Variants in CPNE4 observed in about 807,000 individuals in gnomAD.
CPNE4 encodes the protein copine 4.
CPNE4 carries 25 observed loss-of-function variants against 67.9 expected under a neutral mutation model. The observed-to-expected ratio is 0.37, with a 90% CI of 0.27 to 0.51. The LOEUF is 0.51. CPNE4 is among the 20% of genes least tolerant of loss of function. The probability of loss-of-function intolerance (pLI) is 0.93; values close to 1 mark genes in which losing one functional copy is unlikely to be tolerated. For missense variants in CPNE4, 464 were observed against 690.8 expected (o/e 0.67, Z 3.68); for synonymous variants, 242 against 244.9 (o/e 0.99, Z 0.11).
chr3:131,783,548 G>A (rs2083477972), intron 2 of CPNE4, among the ~76,000 whole-genome samples: 1 of 152,082 alleles, frequency 6.6e-6, no homozygotes, highest in Non-Finnish European at 1.5e-5. Context: ...AATGATGGAA[G>A]CCTTAGTGTC....
chr3:131,560,779 C>G (rs1408939713), intron 11 of CPNE4, among the ~76,000 whole-genome samples: 1 of 151,990 alleles, frequency 6.6e-6, no homozygotes, highest in African/African-American at 2.4e-5. Context: ...GGGTCTCAAC[C>G]CTGGATACCT....
At chr3:131,609,933 T>A (rs1334885112) in intron 7 of CPNE4, among the ~76,000 whole-genome samples, 1 of 152,186 alleles carries the variant, frequency 6.6e-6, no homozygotes, top group Non-Finnish European at 1.5e-5. Flanking sequence ...ACTCTTGGGC[T>A]GCATGGACGA....
chr3:131,603,887 A>G (rs1435929467), intron 7 of CPNE4, among the ~76,000 whole-genome samples: 1 of 152,170 alleles, frequency 6.6e-6, no homozygotes, highest in East Asian at 1.9e-4. Context: ...AGGATTCTTC[A>G]TTTTCCAGGG....
chr3:131,894,072 A>T (rs976778621), intron 2 of CPNE4, among the ~76,000 whole-genome samples: 4 of 151,908 alleles, frequency 2.6e-5, no homozygotes, highest in African/African-American at 9.7e-5. Flanking sequence ...GATAGTCTAA[A>T]CTGTTATTAA....
chr3:131,655,885 T>C (rs1178585828), intron 7 of CPNE4, among the ~76,000 whole-genome samples: 2 of 152,134 alleles, frequency 1.3e-5, no homozygotes, highest in Non-Finnish European at 2.9e-5. Context: ...TAGGAACTGT[T>C]CAAAGAAGCA....
intron 2 of CPNE4, among the ~76,000 whole-genome samples, chr3:131,880,204 C>G (rs2087619417): frequency 6.6e-6 from 1 of 151,662 alleles, no homozygotes; most frequent in Non-Finnish European, 1.5e-5. Context: ...CAAGCTCCGC[C>G]TCCCGGGTTC....
At chr3:131,894,789 G>T (rs1335662797) in intron 2 of CPNE4, among the ~76,000 whole-genome samples, 1 of 151,922 alleles carries the variant, frequency 6.6e-6, no homozygotes, top group African/African-American at 2.4e-5. Flanking sequence ...CAGCCACTAT[G>T]AAAAATAGTA....
At chr3:132,036,728 G>C (rs576320863), upstream of CPNE4, among the ~76,000 whole-genome samples, 1 of 152,202 alleles carries the variant, frequency 6.6e-6, no homozygotes, top group South Asian at 2.1e-4. Flanking sequence ...TTGTCGTCTT[G>C]TTCATAATTA....
chr3:131,735,999 G>C (rs2082224989), intron 2 of CPNE4, among the ~76,000 whole-genome samples: 1 of 152,144 alleles, frequency 6.6e-6, no homozygotes, highest in African/African-American at 2.4e-5. Flanking sequence ...TCAGAAATTA[G>C]AGTGGCAGAG....
chr3:131,647,431 A>T (rs1380715337), intron 7 of CPNE4, among the ~76,000 whole-genome samples: 1 of 152,192 alleles, frequency 6.6e-6, no homozygotes, highest in East Asian at 1.9e-4. Context: ...TGGAAGGAAG[A>T]GAAGCCTGGT....
intron 2 of CPNE4, among the ~76,000 whole-genome samples, chr3:131,880,879 AACAAGTTGGCCCATT>A (rs760144392): frequency 7.9e-5 from 12 of 152,238 alleles, no homozygotes; most frequent in Non-Finnish European, 1.6e-4. Flanking sequence ...TTGCTTAGCC[AACAAGTTGGCCCATT>A]GTTAGGAAGA....
At chr3:131,842,973 G>A (rs555640246) in intron 2 of CPNE4, among the ~76,000 whole-genome samples, 1 of 152,178 alleles carries the variant, frequency 6.6e-6, no homozygotes, top group South Asian at 2.1e-4. Flanking sequence ...TCCTGCACCG[G>A]TGCTCTAAAG....
At chr3:131,873,684 C>T (rs1225793982) in intron 2 of CPNE4, among the ~76,000 whole-genome samples, 2 of 152,148 alleles carry the variant, frequency 1.3e-5, no homozygotes, top group African/African-American at 4.8e-5. Context: ...GACTAATGCC[C>T]AGTCCCTGCC....
At chr3:131,867,207 TA>T (rs775248836) in intron 2 of CPNE4, among the ~76,000 whole-genome samples, 2 of 151,976 alleles carry the variant, frequency 1.3e-5, no homozygotes, top group Non-Finnish European at 2.9e-5. Flanking sequence ...GAAAGAGGTG[TA>T]AAGAGGGCTG....
At chr3:132,038,582 A>C (rs961276996), upstream of CPNE4, among the ~76,000 whole-genome samples, 3 of 152,172 alleles carry the variant, frequency 2.0e-5, no homozygotes, top group Admixed American at 6.5e-5. Flanking sequence ...AGATTTTCCT[A>C]TTGCTCTATT....
At chr3:132,018,278 G>A (rs1182562381) in intron 1 of CPNE4, among the ~76,000 whole-genome samples, 1 of 152,136 alleles carries the variant, frequency 6.6e-6, no homozygotes, top group Non-Finnish European at 1.5e-5. Context: ...AAAATCAGAT[G>A]CACACAATTA....
chr3:131,557,236 C>A (rs115284405), intron 11 of CPNE4, among the ~76,000 whole-genome samples: 1,880 of 152,170 alleles, frequency 0.012, 48 homozygotes, highest in African/African-American at 0.042. Context: ...CCTTTTATTT[C>A]TTCTCCCATT....
chr3:131,934,982 G>T (rs1215521260), intron 1 of CPNE4, among the ~76,000 whole-genome samples: 4 of 152,148 alleles, frequency 2.6e-5, no homozygotes, highest in Non-Finnish European at 5.9e-5. Flanking sequence ...TTTGAAGAAG[G>T]TTGGGAGAAG....
intron 7 of CPNE4, among the ~76,000 whole-genome samples, chr3:131,617,485 T>C (rs544657786): frequency 6.6e-6 from 1 of 152,320 alleles, no homozygotes; most frequent in South Asian, 2.1e-4. Context: ...GTGAGGCCTC[T>C]TTTTTGGAAA....
Sources: gnomAD v4.1 joint callset for allele counts (sites outside exome capture counted in the v4.1 genomes callset) on GRCh38, gnomAD v4.1.1 for gene constraint, MANE v1.5 for transcripts, NCBI Gene and HGNC (gene_info 2026-07-23, HGNC 2026-07-21) for gene names.